Variants in SEC63 observed in about 807,000 individuals in gnomAD.
SEC63 encodes the protein SEC63 protein translocation regulator.
SEC63 carries 56 observed loss-of-function variants against 116.2 expected under a neutral mutation model. The observed-to-expected ratio is 0.48, with a 90% CI of 0.39 to 0.60. The LOEUF (loss-of-function observed/expected upper bound fraction) is 0.60, where lower values mean the gene tolerates loss of function less well. Among genes scored for constraint, SEC63 ranks in the 20% least tolerant of loss-of-function variants. The pLI is 0.00. For synonymous variants in SEC63, 273 were observed against 294.6 expected (o/e 0.93, Z 0.75); for missense variants, 668 against 900.0 (o/e 0.74, Z 3.30).
intron 2 of SEC63, among the ~76,000 whole-genome samples, chr6:107,927,193 G>GAGGA (rs1787694894): frequency 6.6e-6 from 1 of 152,102 alleles, no homozygotes; most frequent in South Asian, 2.1e-4. Context: ...CTCCGGAGTA[G>GAGGA]CTGGGACCAC....
intron 11 of SEC63, 122 bp from the exon 12 acceptor site, chr6:107,903,120 T>A: frequency 1.0e-6 from 1 of 999,202 alleles, no homozygotes; most frequent in Non-Finnish European, 1.5e-6. Context: ...AGGATCATAG[T>A]AAGATTTTCC....
chr6:107,953,765 C>T (rs1232676452), intron 1 of SEC63, among the ~76,000 whole-genome samples: 4 of 143,204 alleles, frequency 2.8e-5, no homozygotes, highest in Non-Finnish European at 6.2e-5. Context: ...GCCCCCCGCC[C>T]GGCCAGCCGC....
At chr6:107,899,456 C>T (rs1326760944) in intron 13 of SEC63, among the ~76,000 whole-genome samples, 1 of 152,164 alleles carries the variant, frequency 6.6e-6, no homozygotes, top group Non-Finnish European at 1.5e-5. Flanking sequence ...TGGCTCACGC[C>T]TATAATCCCA....
rs542929869 is a variant in SEC63, at chr6:107,953,247, A to G, written c.124+4639T>C. Among the ~76,000 whole-genome samples, 41 of 152,386 alleles carry G rather than the reference A, an allele frequency of 2.7e-4. No homozygotes were observed. The South Asian group carries it at 8.3e-3, about 31-fold the overall frequency. ...TGCACTTCAGCCTGGGTGACAGAGC[A>G]AGGCTCCATCTCAAAAAATAAAAAT... On this transcript the variant is annotated intron_variant, in intron 1 of 20. Coordinates refer to ENST00000369002, the MANE Select transcript of SEC63 (RefSeq NM_007214.5).
At chr6:107,953,779 G>T (rs1455265230) in intron 1 of SEC63, among the ~76,000 whole-genome samples, 3 of 51,770 alleles carry the variant, frequency 5.8e-5, no homozygotes. Flanking sequence ...CAGCCGCCCC[G>T]TCCGGGAGGG....
intron 4 of SEC63, among the ~76,000 whole-genome samples, chr6:107,920,842 C>T (rs1787539631): frequency 6.6e-6 from 1 of 152,120 alleles, no homozygotes; most frequent in Non-Finnish European, 1.5e-5. Flanking sequence ...CACAAATGTT[C>T]CTCAAACTTT....
chr6:107,884,327 TAATAA>T (rs1786480883), intron 16 of SEC63, among the ~76,000 whole-genome samples: 1 of 147,506 alleles, frequency 6.8e-6, no homozygotes, highest in Admixed American at 6.8e-5. Context: ...TTGAAAAGGC[TAATAA>T]AATTGATTAA....
chr6:107,957,429 A>G (rs1453763750), intron 1 of SEC63: 1 of 153,072 alleles, frequency 6.5e-6, no homozygotes, highest in Non-Finnish European at 1.5e-5. Context: ...GCCCTAAAAC[A>G]TCTGTTAAGA....
At position 107,876,484 on chromosome 6, in the gene SEC63, T is replaced by TA. The variant is rs537433256; in HGVS notation, c.2034+79dup. The TA allele has an allele frequency of 6.7e-4, 603 of 894,874 alleles. 11 individuals are homozygous for TA. The South Asian group carries it at 7.3e-3, about 11-fold the overall frequency. The allele number at this position is 894,874 out of a possible 1,614,324, so 55.4% of individuals were successfully genotyped here. On this transcript the variant is annotated intron_variant, in intron 19 of 20. Coordinates refer to ENST00000369002, the MANE Select transcript of SEC63 (RefSeq NM_007214.5). ...AATATGCTAAATATGATAAACTTTT[T>TA]AAAAAAAAGATATATGAAGCAGCAT...
Position 107,870,161 on chromosome 6 carries a change from A to G in SEC63, c.*1543T>C, listed in dbSNP as rs1786096525. 6.5e-6 allele frequency: 1 copy of G among 152,692 alleles called. No homozygotes were observed. The highest frequency in any genetic ancestry group is 1.9e-4 in the East Asian group (1 of 5,168). 9.5% of individuals were successfully genotyped at this position (152,692 alleles called of 1,614,324 possible). On this transcript the variant is annotated 3_prime_UTR_variant, in exon 21 of 21. Coordinates refer to ENST00000369002, the MANE Select transcript of SEC63 (RefSeq NM_007214.5). ...CACCCTCCTACTTGTACAATGAAGT[A>G]AATGAAAAAAATCCTCAGTGACACT...
intron 14 of SEC63, among the ~76,000 whole-genome samples, chr6:107,896,092 G>A (rs1786811280): frequency 6.6e-6 from 1 of 152,124 alleles, no homozygotes. Context: ...TTTGAGCCTA[G>A]GAGGCGGACG....
At chr6:107,942,953 T>A (rs11153091) in intron 1 of SEC63, among the ~76,000 whole-genome samples, 1 of 152,146 alleles carries the variant, frequency 6.6e-6, no homozygotes, top group African/African-American at 2.4e-5. Context: ...CATGACTTTT[T>A]TCTTCTTCGG....
chr6:107,884,570 T>C (rs1213969294), intron 16 of SEC63, among the ~76,000 whole-genome samples: 17 of 151,968 alleles, frequency 1.1e-4, no homozygotes, highest in Admixed American at 1.1e-3. Context: ...TGCGAATAAC[T>C]CCCTTTAAAA....
chr6:107,904,273 G>A (rs1787086275), intron 11 of SEC63, among the ~76,000 whole-genome samples: 1 of 151,634 alleles, frequency 6.6e-6, no homozygotes, highest in Admixed American at 6.6e-5. Context: ...AGCCAGGTGT[G>A]GTGGTACGCG....
At chr6:107,942,970 T>C (rs927095207) in intron 1 of SEC63, among the ~76,000 whole-genome samples, 1 of 152,240 alleles carries the variant, frequency 6.6e-6, no homozygotes, top group East Asian at 1.9e-4. Context: ...TCGGAGCACT[T>C]AGAGCATCAC....
rs780555443 is a variant in SEC63 at position 107,893,907 on chromosome 6, G to A, written c.1441-10C>T. On this transcript the variant is annotated splice_polypyrimidine_tract_variant and intron_variant, in intron 14 of 20. Coordinates refer to ENST00000369002, the MANE Select transcript of SEC63 (RefSeq NM_007214.5). ...CCTTTTCAAATACTTCCTGGGGGGC[G>A]GCAAGAAGAGAAATACAAAATCTGT... is the stretch of plus-strand genomic sequence containing the variant. 7.4e-6 allele frequency: 12 copies of A among 1,613,336 alleles called. No individual in the cohort carries two copies. The highest frequency in any genetic ancestry group is 3.3e-5 in the South Asian group (3 of 91,022).
intron 4 of SEC63, among the ~76,000 whole-genome samples, chr6:107,917,057 C>A (rs556016336): frequency 6.6e-6 from 1 of 152,274 alleles, no homozygotes; most frequent in East Asian, 1.9e-4. Context: ...TGTGGGTTTA[C>A]CGGAATGAGG....
chr6:107,897,793 C>T, intron 13 of SEC63, 62 bp from the exon 14 acceptor site: 1 of 1,113,030 alleles, frequency 9.0e-7, no homozygotes, highest in Admixed American at 1.7e-5. Flanking sequence ...TTAATGCAAA[C>T]AGCAAAACTT....
chr6:107,876,520 G>T (rs1395945528), intron 19 of SEC63, 44 bp downstream of exon 19: 5 of 1,112,248 alleles, frequency 4.5e-6, no homozygotes, highest in South Asian at 2.5e-5. Context: ...GATGGTGACA[G>T]CTGTGCCTTG....
Sources: allele counts gnomAD v4.1 joint callset (sites outside exome capture counted in the v4.1 genomes callset), GRCh38; gene constraint gnomAD v4.1.1; transcripts MANE v1.5; gene names NCBI Gene and HGNC (gene_info 2026-07-23, HGNC 2026-07-21).